CLPSL1: variants seen among roughly 807,000 people sequenced by gnomAD.
CLPSL1 encodes the protein colipase like 1.
CLPSL1 carries 13 observed loss-of-function variants against 9.3 expected under a neutral mutation model. The observed-to-expected ratio is 1.40, with a 90% CI of 0.91 to 2.22. CLPSL1 has a LOEUF of 2.22. Ranked by LOEUF, CLPSL1 falls within the 30% of genes most tolerant of loss-of-function variation. The pLI is 0.00. For missense variants in CLPSL1, 164 were observed against 146.6 expected (o/e 1.12, Z -0.61); for synonymous variants, 58 against 56.9 (o/e 1.02, Z -0.08).
At chr6:35,781,728 G>GTT (rs36009111) in intron 1 of CLPSL1, among the ~76,000 whole-genome samples, 1 of 141,116 alleles carries the variant, frequency 7.1e-6, no homozygotes. Context: ...GTTTGCAGGT[G>GTT]TTTTTTTTTT....
At chr6:35,781,955 T>C (rs1767975698) in intron 1 of CLPSL1, among the ~76,000 whole-genome samples, 1 of 152,080 alleles carries the variant, frequency 6.6e-6, no homozygotes, top group African/African-American at 2.4e-5. Context: ...TTTCACCGTA[T>C]TGGTCAGGCT....
chr6:35,788,171 G>A (rs1032842331), downstream of CLPSL1: 9 of 660,840 alleles, frequency 1.4e-5, no homozygotes, highest in African/African-American at 3.6e-5. Flanking sequence ...ACAGAGTTGG[G>A]GCCTGGGTGG....
chr6:35,782,852 C>T (rs746438377), intron 1 of CLPSL1, among the ~76,000 whole-genome samples: 4 of 152,116 alleles, frequency 2.6e-5, no homozygotes, highest in Non-Finnish European at 5.9e-5. Flanking sequence ...AGCAGGGAGG[C>T]CGGGAGGCGG....
At chr6:35,782,541 T>C (rs1767985541) in intron 1 of CLPSL1, among the ~76,000 whole-genome samples, 1 of 152,198 alleles carries the variant, frequency 6.6e-6, no homozygotes, top group Non-Finnish European at 1.5e-5. Context: ...TGGGGACTGC[T>C]CTGCTGGTGT....
intron 1 of CLPSL1, among the ~76,000 whole-genome samples, chr6:35,786,590 G>A (rs1292119401): frequency 6.6e-6 from 1 of 152,206 alleles, no homozygotes; most frequent in Non-Finnish European, 1.5e-5. Context: ...AGTGCTGGGT[G>A]GAGGTCATTG....
rs559312352 is a variant in CLPSL1 at position 35,783,227 on chromosome 6, T to G, written c.99+2018T>G. 2.4e-4 allele frequency among the ~76,000 whole-genome samples: 37 copies of G among 152,268 alleles called. No homozygotes were observed. In the South Asian group the frequency reaches 7.7e-3, roughly 32 times the overall value. On this transcript the variant is annotated intron_variant, in intron 1 of 2. Transcript: ENST00000373861. ...CAGTATGTACTTTTAAAAAAAAATT[T>G]GGGCCAGGCGCAGTGGCTCACGCCT...
At chr6:35,787,347 A>G (rs1161203692) in intron 2 of CLPSL1, among the ~76,000 whole-genome samples, 1 of 152,256 alleles carries the variant, frequency 6.6e-6, no homozygotes, top group Non-Finnish European at 1.5e-5. Flanking sequence ...CGGGAAGGCG[A>G]TGTTTCACTT....
At chr6:35,791,003 C>T (rs1213918433), downstream of CLPSL1, among the ~76,000 whole-genome samples, 1 of 151,474 alleles carries the variant, frequency 6.6e-6, no homozygotes, top group Non-Finnish European at 1.5e-5. Flanking sequence ...CATGGTCGCA[C>T]CACTGCATTC....
In CLPSL1 at chr6:35,787,070, G is replaced by A. The variant is rs202069420; in HGVS notation, c.172G>A (p.Glu58Lys). Residue 58 changes from glutamate to lysine, a missense_variant, in exon 2 of 3, where the codon GAG (glutamate) becomes AAG (lysine). By Grantham distance (56) the Glu-to-Lys change is moderately conservative. Coordinates refer to ENST00000373861, the MANE Select transcript of CLPSL1 (RefSeq NM_001010886.5). ...GCCQRAPDNC[E>K]SHCAEKGSEG... ...CTGCCAACGTGCTCCAGACAATTGCGAGTCGCACTGCGCGGAGAAGGGGTC... is the reference window on the plus strand; with the variant it reads ...CTGCCAACGTGCTCCAGACAATTGCAAGTCGCACTGCGCGGAGAAGGGGTC... 2.5e-5 allele frequency: 40 copies of A among 1,608,026 alleles called. No homozygotes were observed. Among genetic ancestry groups the A allele is most frequent in the Non-Finnish European group, 3.3e-5 (39 of 1,178,432 alleles).
chr6:35,791,359 C>G (rs1432468147), downstream of CLPSL1, among the ~76,000 whole-genome samples: 5 of 152,270 alleles, frequency 3.3e-5, no homozygotes, highest in Non-Finnish European at 7.3e-5. Flanking sequence ...GCCTGTAATC[C>G]TAGCACTTTG....
chr6:35,786,434 TTTG>T (rs1365631069), intron 1 of CLPSL1, among the ~76,000 whole-genome samples: 1 of 152,224 alleles, frequency 6.6e-6, no homozygotes, highest in Non-Finnish European at 1.5e-5. Context: ...GATTTCTGTT[TTTG>T]TTGTTCCCAG....
downstream of CLPSL1, among the ~76,000 whole-genome samples, chr6:35,789,985 G>GA (rs1248381411): frequency 1.1e-4 from 17 of 152,238 alleles, no homozygotes; most frequent in African/African-American, 3.6e-4. Flanking sequence ...AGAGTGCAGT[G>GA]GCTCCATCTC....
exon 2 of CLPSL1, chr6:35,793,653 G>A (rs775750884): frequency 2.6e-5 from 12 of 454,180 alleles, no homozygotes; most frequent in Non-Finnish European, 5.1e-5. Context: ...AGAAATATAC[G>A]TTCCTATTTG....
chr6:35,791,197 GC>G (rs1768200887), downstream of CLPSL1, among the ~76,000 whole-genome samples: 13 of 152,274 alleles, frequency 8.5e-5, no homozygotes, highest in Admixed American at 8.5e-4. Context: ...ATTGGTAGAG[GC>G]TGCCGTTGTC....
At chr6:35,790,572 C>G (rs1232984182), downstream of CLPSL1, among the ~76,000 whole-genome samples, 1 of 152,228 alleles carries the variant, frequency 6.6e-6, no homozygotes, top group East Asian at 1.9e-4. Flanking sequence ...TATGTACCAT[C>G]TCAATAGAAG....
At chr6:35,783,322 C>T (rs1196025160) in intron 1 of CLPSL1, among the ~76,000 whole-genome samples, 2 of 152,108 alleles carry the variant, frequency 1.3e-5, no homozygotes, top group African/African-American at 4.8e-5. Context: ...AACAGCCTGA[C>T]CAACATGGTG....
chr6:35,790,441 A>C (rs1425391563), downstream of CLPSL1, among the ~76,000 whole-genome samples: 5 of 152,286 alleles, frequency 3.3e-5, no homozygotes, highest in Non-Finnish European at 7.3e-5. Flanking sequence ...CTATCCTCTT[A>C]GGTTCAGTAC....
In CLPSL1 at chr6:35,781,103, T is replaced by C. The variant is rs760441944; in HGVS notation, c.-8T>C. On this transcript the variant is annotated 5_prime_UTR_variant, in exon 1 of 3. Transcript: ENST00000373861. ...GGACCCTAGAAAAGCCACCACGACC[T>C]GTGGGCCATGATGCTACCCCAATGG... The C allele has an allele frequency of 4.3e-6, 7 of 1,613,694 alleles. No individual in the cohort carries two copies. In the Admixed American group the frequency reaches 8.3e-5, roughly 19 times the overall value.
downstream of CLPSL1, among the ~76,000 whole-genome samples, chr6:35,792,063 G>A (rs573185048): frequency 1.6e-3 from 239 of 149,206 alleles, 1 homozygote; most frequent in African/African-American, 5.4e-3. Context: ...TCCACTCTGG[G>A]CAACAGAGAC....
Sources: allele counts gnomAD v4.1 joint callset (sites outside exome capture counted in the v4.1 genomes callset), GRCh38; gene constraint gnomAD v4.1.1; transcripts MANE v1.5; gene names NCBI Gene and HGNC (gene_info 2026-07-23, HGNC 2026-07-21).